The following CASP5 variants were observed in gnomAD, a reference collection of about 807,000 sequenced individuals.
CASP5 encodes caspase 5, also known as caspase-5.
CASP5 carries 42 observed loss-of-function variants against 45.2 expected under a neutral mutation model. The observed-to-expected ratio is 0.93, with a 90% CI of 0.73 to 1.20. The LOEUF is 1.20. Ranked by LOEUF, CASP5 falls within the 50% of genes most tolerant of loss-of-function variation. The probability of loss-of-function intolerance (pLI) is 0.00; values close to 1 mark genes in which losing one functional copy is unlikely to be tolerated. For missense variants in CASP5, 512 were observed against 532.2 expected (o/e 0.96, Z 0.37); for synonymous variants, 209 against 186.2 (o/e 1.12, Z -1.00).
chr11:105,007,353 C>T lies in CASP5; in HGVS notation c.182-19G>A, dbSNP rs779598716. 6.3e-6 allele frequency: 10 copies of T among 1,584,444 alleles called. No individual in the cohort carries two copies. The highest frequency in any genetic ancestry group is 1.1e-5 in the South Asian group (1 of 87,140). On this transcript the variant is annotated intron_variant, in intron 2 of 9. Transcript: ENST00000260315. ...TTGTCTTCTGTCAGAAATAGAAAGA[C>T]TCCTTTAACTATGGGCACAGCTTAA...
At chr11:105,019,447 G>T (rs1862822889) in intron 1 of CASP5, among the ~76,000 whole-genome samples, 1 of 149,770 alleles carries the variant, frequency 6.7e-6, no homozygotes, top group South Asian at 2.1e-4. Flanking sequence ...GAATCAAATA[G>T]ACGCAATAAA....
intron 1 of CASP5, among the ~76,000 whole-genome samples, chr11:105,010,821 T>G (rs1862314087): frequency 6.6e-6 from 1 of 151,714 alleles, no homozygotes; most frequent in South Asian, 2.1e-4. Context: ...AAAATGTATA[T>G]TAACCTCTTT....
chr11:105,016,614 G>A (rs1004715062), intron 1 of CASP5, among the ~76,000 whole-genome samples: 5 of 152,204 alleles, frequency 3.3e-5, no homozygotes, highest in African/African-American at 1.2e-4. Flanking sequence ...CTTAAAAAAT[G>A]GCGCATCAGA....
At chr11:105,021,906 A>C (rs1236348933) in intron 1 of CASP5, among the ~76,000 whole-genome samples, 1 of 149,284 alleles carries the variant, frequency 6.7e-6, no homozygotes, top group Non-Finnish European at 1.5e-5. Context: ...ACTTGGAACC[A>C]ACCCAAATGT....
chr11:104,997,363 A>C lies in CASP5; in HGVS notation c.1206+20T>G, dbSNP rs1189889026. On this transcript the variant is annotated intron_variant, in intron 8 of 9. Transcript: ENST00000260315. ...TCTGAGCAAATAAGTAAATGACTAG[A>C]AAAGGAAATGGAAGCTTACCTTCCG... 1 of 1,469,834 alleles carries C rather than the reference A, an allele frequency of 6.8e-7. No individual in the cohort carries two copies. The highest frequency in any genetic ancestry group is 2.3e-5 in the East Asian group (1 of 44,112). 91.0% of individuals were successfully genotyped at this position (1,469,834 alleles called of 1,614,324 possible). A position where few individuals can be genotyped will look rare whatever the true frequency, so the allele number is the denominator to read the frequency against.
At position 105,022,077 on chromosome 11, in the gene CASP5, G is replaced by A. The variant is rs368799614; in HGVS notation, c.7+1053C>T. Reference sequence around the variant, plus strand: ...TCACAAGAACAAAAAACCAAACACCGCATATTCTCACTCATAGGTGGGAAC... The same window carrying A: ...TCACAAGAACAAAAAACCAAACACCACATATTCTCACTCATAGGTGGGAAC... On this transcript the variant is annotated intron_variant, in intron 1 of 9. Transcript: ENST00000260315. Among the ~76,000 whole-genome samples the A allele has an allele frequency of 1.3e-3, 188 of 149,402 alleles. 3 individuals carry two copies. In the East Asian group the frequency reaches 0.027, roughly 21 times the overall value.
In CASP5 at chr11:105,008,978, C is replaced by G; in HGVS notation, c.10G>C (p.Asp4His). ...TTACGCCTTTTTTTTTTGCCACTGT[C>G]TTCTATCAGAAATATAAAGACTCCT... MAE[D>H]SGKKKRRKNF... The change falls in exon 2 of 10, where the codon GAC (aspartate) becomes CAC (histidine). Residue 4 changes from aspartate to histidine, a missense_variant and splice_region_variant. Transcript: ENST00000260315. 6.2e-7 allele frequency: 1 copy of G among 1,611,642 alleles called. No homozygotes were observed.
chr11:105,001,647 A>G (rs1434606596), intron 5 of CASP5, among the ~76,000 whole-genome samples: 1 of 152,188 alleles, frequency 6.6e-6, no homozygotes, highest in Non-Finnish European at 1.5e-5. Flanking sequence ...ACAGAGTGAG[A>G]CTTGGTCTCA....
chr11:105,007,344 A>C lies in CASP5; in HGVS notation c.182-10T>G, dbSNP rs1456367747. 6.3e-7 allele frequency: 1 copy of C among 1,591,344 alleles called. No homozygotes were observed. The highest frequency in any genetic ancestry group is 8.5e-7 in the Non-Finnish European group (1 of 1,176,344). The stretch of plus-strand genomic sequence containing the variant: ...TTTTTGTGGTTGTCTTCTGTCAGAA[A>C]TAGAAAGACTCCTTTAACTATGGGC... On this transcript the variant is annotated splice_polypyrimidine_tract_variant and intron_variant, in intron 2 of 9. Coordinates refer to ENST00000260315, the MANE Select transcript of CASP5 (RefSeq NM_004347.5).
intron 3 of CASP5, 102 bp from the exon 4 acceptor site, chr11:105,003,485 G>T (rs1861852496): frequency 1.5e-6 from 1 of 658,140 alleles, no homozygotes; most frequent in East Asian, 2.8e-5. Flanking sequence ...CTAGGAAAAA[G>T]ACTCTTTATA....
chr11:105,019,489 A>G (rs1463144206), intron 1 of CASP5, among the ~76,000 whole-genome samples: 1 of 151,254 alleles, frequency 6.6e-6, no homozygotes, highest in Non-Finnish European at 1.5e-5. Context: ...CACCGATCCC[A>G]CAGAAATACA....
At chr11:104,994,771 C>T (rs1255141475) in intron 9 of CASP5, among the ~76,000 whole-genome samples, 1 of 152,218 alleles carries the variant, frequency 6.6e-6, no homozygotes, top group East Asian at 1.9e-4. Context: ...CACTTGTATT[C>T]TGTGCTGGAA....
intron 7 of CASP5, among the ~76,000 whole-genome samples, chr11:104,998,188 G>A (rs1411621384): frequency 6.6e-6 from 1 of 152,154 alleles, no homozygotes; most frequent in Non-Finnish European, 1.5e-5. Context: ...TTAGGGGTGT[G>A]TACTAATCTC....
intron 1 of CASP5, among the ~76,000 whole-genome samples, chr11:105,021,572 C>T (rs1336164786): frequency 1.3e-5 from 2 of 150,392 alleles, no homozygotes; most frequent in Non-Finnish European, 3.0e-5. Flanking sequence ...CTCACCATCA[C>T]TGGCCATCAG....
In CASP5 at chr11:105,020,397, T is replaced by C. The variant is rs1193690465; in HGVS notation, c.7+2733A>G. Reference sequence around the variant, plus strand: ...TGTTTGCAGACGACATGATTGTATATCTAGAAAACCCCATTGTCTCAGCCC... The same window carrying C: ...TGTTTGCAGACGACATGATTGTATACCTAGAAAACCCCATTGTCTCAGCCC... On this transcript the variant is annotated intron_variant, in intron 1 of 9. Coordinates refer to ENST00000260315, the MANE Select transcript of CASP5 (RefSeq NM_004347.5). Among the ~76,000 whole-genome samples, 3 of 151,114 alleles carry C rather than the reference T, an allele frequency of 2.0e-5. No individual in the cohort carries two copies. The East Asian group carries it at 5.8e-4, about 29-fold the overall frequency.
chr11:105,012,472 A>C (rs1862395409), intron 1 of CASP5, among the ~76,000 whole-genome samples: 1 of 151,914 alleles, frequency 6.6e-6, no homozygotes, highest in African/African-American at 2.4e-5. Flanking sequence ...CAAGGAAACA[A>C]CAGTGTGAAG....
chr11:104,999,675 C>T (rs1181396611), intron 6 of CASP5, among the ~76,000 whole-genome samples: 1 of 152,126 alleles, frequency 6.6e-6, no homozygotes, highest in Non-Finnish European at 1.5e-5. Flanking sequence ...GTGAATTTAT[C>T]ATGTCATTAC....
intron 1 of CASP5, among the ~76,000 whole-genome samples, chr11:105,009,804 T>C (rs1333816499): frequency 8.8e-6 from 1 of 113,280 alleles, no homozygotes; most frequent in East Asian, 2.2e-4. Context: ...TATATATATA[T>C]ATACACACAC....
intron 1 of CASP5, 28 bp from the exon 2 acceptor site, chr11:105,009,008 C>T (rs1565387108): frequency 4.4e-6 from 7 of 1,607,914 alleles, no homozygotes; most frequent in East Asian, 2.2e-5. Context: ...ACTCCTTCAA[C>T]TCTGGGCACA....
Sources: gnomAD v4.1 joint callset for allele counts (sites outside exome capture counted in the v4.1 genomes callset) on GRCh38, gnomAD v4.1.1 for gene constraint, MANE v1.5 for transcripts, NCBI Gene and HGNC (gene_info 2026-07-23, HGNC 2026-07-21) for gene names.